The following KCNU1 variants were observed in gnomAD, a reference collection of about 807,000 sequenced individuals.
KCNU1 encodes potassium channel subfamily U member 1.
A neutral mutation model predicts 126.8 loss-of-function variants in KCNU1; 93 were observed. That is an observed-to-expected ratio of 0.73 (90% CI 0.62 to 0.87). The LOEUF (loss-of-function observed/expected upper bound fraction) is 0.87. Ranked by LOEUF, KCNU1 falls within the 40% of genes least tolerant of loss-of-function variation. KCNU1 has a pLI of 0.00. For missense variants in KCNU1, 1,330 were observed against 1,367.1 expected (o/e 0.97, Z 0.43); for synonymous variants, 523 against 494.2 (o/e 1.06, Z -0.77).
At chr8:36,849,072 T>C (rs1377452250) in intron 18 of KCNU1, among the ~76,000 whole-genome samples, 1 of 152,150 alleles carries the variant, frequency 6.6e-6, no homozygotes, top group Non-Finnish European at 1.5e-5. Flanking sequence ...TAGAACATTT[T>C]CCTCACCTCA....
At position 36,840,564 on chromosome 8, in the gene KCNU1, T is replaced by A; in HGVS notation, c.1620T>A (p.Pro540=). ...ATGACTTTGCTGGAATGAGCTTTCC[T>A]GAAGTTGCCCGGTAAGTGAAGTGAA... The part of the protein sequence containing the change: ...LSDDFAGMSF[P]EVARLCFLKM... Residue 540 remains proline, a synonymous_variant, in exon 15 of 27, where the codon CCT becomes CCA. Coordinates refer to ENST00000399881, the MANE Select transcript of KCNU1 (RefSeq NM_001031836.3). The A allele has an allele frequency of 6.2e-7, 1 of 1,603,360 alleles. No homozygotes were observed.
At chr8:36,873,350 G>A (rs868214606) in intron 19 of KCNU1, among the ~76,000 whole-genome samples, 9 of 151,332 alleles carry the variant, frequency 5.9e-5, no homozygotes, top group African/African-American at 1.2e-4. Context: ...CTAAGACCAC[G>A]CCAGTTTTGA....
At chr8:36,887,523 C>A (rs1806761725) in intron 19 of KCNU1, among the ~76,000 whole-genome samples, 1 of 150,070 alleles carries the variant, frequency 6.7e-6, no homozygotes, top group African/African-American at 2.5e-5. Flanking sequence ...ATCAAAATGC[C>A]TTTTCAGGGC....
chr8:36,926,898 G>A (rs1808552655), intron 24 of KCNU1, among the ~76,000 whole-genome samples: 1 of 152,098 alleles, frequency 6.6e-6, no homozygotes, highest in African/African-American at 2.4e-5. Flanking sequence ...CAGGCTCCCT[G>A]AATGTATCTG....
intron 22 of KCNU1, among the ~76,000 whole-genome samples, chr8:36,917,380 C>T (rs1053100130): frequency 2.0e-5 from 3 of 149,488 alleles, no homozygotes; most frequent in Admixed American, 6.7e-5. Flanking sequence ...GCTAGGATCT[C>T]GGTCTGTCAC....
chr8:36,830,443 C>T (rs140389307), intron 10 of KCNU1, among the ~76,000 whole-genome samples: 326 of 151,922 alleles, frequency 2.1e-3, no homozygotes, highest in African/African-American at 7.5e-3. Context: ...TTTGTCTCTG[C>T]GTCTGAGGTG....
chr8:36,886,024 A>G (rs946486945), intron 19 of KCNU1, among the ~76,000 whole-genome samples: 16 of 152,156 alleles, frequency 1.1e-4, no homozygotes, highest in African/African-American at 3.9e-4. Flanking sequence ...AGACTTCATC[A>G]TACAATCATA....
At chr8:36,812,138 G>A (rs1803740472) in intron 7 of KCNU1, among the ~76,000 whole-genome samples, 1 of 151,946 alleles carries the variant, frequency 6.6e-6, no homozygotes, top group Admixed American at 6.6e-5. Flanking sequence ...CAGCACTTTG[G>A]GAGGCCAAGG....
At chr8:36,862,438 G>A (rs1805766134) in intron 18 of KCNU1, among the ~76,000 whole-genome samples, 1 of 151,984 alleles carries the variant, frequency 6.6e-6, no homozygotes, top group Non-Finnish European at 1.5e-5. Context: ...AATGCCATTA[G>A]AATTATAGAA....
intron 18 of KCNU1, among the ~76,000 whole-genome samples, chr8:36,858,295 A>AC (rs969834564): frequency 1.3e-5 from 2 of 150,148 alleles, no homozygotes; most frequent in African/African-American, 4.9e-5. Flanking sequence ...TCTGAAGATT[A>AC]TTTTTTTTTA....
intron 10 of KCNU1, among the ~76,000 whole-genome samples, chr8:36,818,523 G>A (rs970308769): frequency 3.9e-5 from 6 of 152,148 alleles, no homozygotes; most frequent in African/African-American, 1.4e-4. Flanking sequence ...ATACAGAAGT[G>A]TTTGATTTGC....
At chr8:36,866,590 G>T (rs538946539) in intron 19 of KCNU1, among the ~76,000 whole-genome samples, 69 of 152,258 alleles carry the variant, frequency 4.5e-4, no homozygotes, top group African/African-American at 1.6e-3. Flanking sequence ...AGTCACAGAT[G>T]AGCACTGGAA....
At chr8:36,931,559 T>C (rs1808704300) in intron 25 of KCNU1, among the ~76,000 whole-genome samples, 1 of 152,100 alleles carries the variant, frequency 6.6e-6, no homozygotes, top group Non-Finnish European at 1.5e-5. Context: ...TGGATTTATA[T>C]GGTAGGCATT....
chr8:36,850,701 C>T (rs537957485), intron 18 of KCNU1, among the ~76,000 whole-genome samples: 29 of 152,324 alleles, frequency 1.9e-4, no homozygotes, highest in African/African-American at 7.0e-4. Flanking sequence ...AAGTGAGCCA[C>T]CTGCCTCAAT....
At chr8:36,898,396 A>C (rs748500291) in intron 19 of KCNU1, among the ~76,000 whole-genome samples, 1 of 151,798 alleles carries the variant, frequency 6.6e-6, no homozygotes, top group Non-Finnish European at 1.5e-5. Context: ...AATGTTAATA[A>C]TTTTCCAGGC....
intron 19 of KCNU1, among the ~76,000 whole-genome samples, chr8:36,866,558 T>G (rs755233508): frequency 1.3e-5 from 2 of 152,172 alleles, no homozygotes; most frequent in South Asian, 2.1e-4. Flanking sequence ...AAATTTTGCC[T>G]GGCTATTTCC....
intron 2 of KCNU1, among the ~76,000 whole-genome samples, chr8:36,797,007 T>TA (rs1273496794): frequency 6.6e-6 from 1 of 152,150 alleles, no homozygotes; most frequent in Non-Finnish European, 1.5e-5. Flanking sequence ...AGAACAGGTA[T>TA]TGGACACACA....
intron 2 of KCNU1, among the ~76,000 whole-genome samples, chr8:36,799,019 A>T (rs1465105256): frequency 1.3e-5 from 2 of 152,164 alleles, no homozygotes; most frequent in Non-Finnish European, 2.9e-5. Context: ...AATTTTGAGA[A>T]TTCCAACCTC....
At position 36,935,924 on chromosome 8, in the gene KCNU1, T is replaced by C; in HGVS notation, c.*4T>C. ...TGCATATTCAGAGCCACTATAGACCTGCCCATATTCTTCACGTGCTCTTAA... is the reference window on the plus strand; with the variant it reads ...TGCATATTCAGAGCCACTATAGACCCGCCCATATTCTTCACGTGCTCTTAA... On this transcript the variant is annotated 3_prime_UTR_variant, in exon 27 of 27. Transcript: ENST00000399881. 6.4e-7 allele frequency: 1 copy of C among 1,555,640 alleles called. No homozygotes were observed. The highest frequency in any genetic ancestry group is 1.4e-5 in the African/African-American group (1 of 72,902).
Sources: gnomAD v4.1 joint callset for allele counts (sites outside exome capture counted in the v4.1 genomes callset) on GRCh38, gnomAD v4.1.1 for gene constraint, MANE v1.5 for transcripts, NCBI Gene and HGNC (gene_info 2026-07-23, HGNC 2026-07-21) for gene names.